ANOS1: variants seen among roughly 807,000 people sequenced by gnomAD.
The protein encoded by ANOS1 is anosmin 1, also known as anosmin-1.
ANOS1 carries 6 observed loss-of-function variants against 59.0 expected under a neutral mutation model. The observed-to-expected ratio is 0.10, with a 90% CI of 0.06 to 0.20. The LOEUF is 0.20. ANOS1 is among the 10% of genes least tolerant of loss of function. The pLI, the probability that ANOS1 is intolerant of heterozygous loss-of-function variation, is 1.00. For synonymous variants in ANOS1, 217 were observed against 223.4 expected (o/e 0.97, Z 0.25); for missense variants, 433 against 542.3 (o/e 0.80, Z 2.00).
chrX:8,581,843 G>A lies in ANOS1; in HGVS notation c.856+3424C>T, dbSNP rs1601963721. On this transcript the variant is annotated intron_variant, in intron 6 of 13. Transcript: ENST00000262648. ...GACATTCTTATATTTACTGTGTTGTGTAACTATCACCATCACTGGGTTCTA... is the reference window on the plus strand; with the variant it reads ...GACATTCTTATATTTACTGTGTTGTATAACTATCACCATCACTGGGTTCTA... Among the ~76,000 whole-genome samples the A allele has an allele frequency of 2.7e-5, 3 of 112,143 alleles. No homozygotes were observed. In the South Asian group the frequency reaches 1.1e-3, roughly 41 times the overall value.
intron 3 of ANOS1, among the ~76,000 whole-genome samples, chrX:8,604,612 A>T (rs1018064090): frequency 3.6e-5 from 4 of 112,169 alleles, no homozygotes; most frequent in African/African-American, 9.7e-5. Context: ...GATACAGAAA[A>T]GCTAAATGCA....
At chrX:8,656,849 G>C (rs984788864) in intron 2 of ANOS1, among the ~76,000 whole-genome samples, 2 of 111,643 alleles carry the variant, frequency 1.8e-5, no homozygotes, top group African/African-American at 6.5e-5. Context: ...ACATGCTGAG[G>C]GAGTCTGTGC....
chrX:8,583,024 A>G (rs1930452214), intron 6 of ANOS1, among the ~76,000 whole-genome samples: 1 of 111,261 alleles, frequency 9.0e-6, no homozygotes, highest in South Asian at 3.8e-4. Context: ...TGAGAGAAAG[A>G]GTGCTTAAGG....
chrX:8,688,325 C>T (rs1345420813), intron 2 of ANOS1, among the ~76,000 whole-genome samples: 3 of 112,072 alleles, frequency 2.7e-5, no homozygotes, highest in Admixed American at 1.9e-4. Flanking sequence ...CAGAATAAAC[C>T]TCAACATCTT....
chrX:8,605,518 C>T lies in ANOS1; in HGVS notation c.319-8262G>A, dbSNP rs367588002. On this transcript the variant is annotated intron_variant, in intron 3 of 13. Transcript: ENST00000262648. ...CTCTCCTAAAAATACAAAAATTAGCCGGGTGTGGTGGCAGCTACTCGGGAG... is the reference window on the plus strand; with the variant it reads ...CTCTCCTAAAAATACAAAAATTAGCTGGGTGTGGTGGCAGCTACTCGGGAG... Among the ~76,000 whole-genome samples, 11 of 108,467 alleles carry T rather than the reference C, an allele frequency of 1.0e-4. No individual in the cohort carries two copies. In the South Asian group the frequency reaches 2.9e-3, roughly 28 times the overall value. The allele number at this position is 108,467 out of a possible 115,157, so 94.2% of individuals were successfully genotyped here.
At chrX:8,730,585 C>A (rs1441547276) in intron 1 of ANOS1, among the ~76,000 whole-genome samples, 3 of 98,875 alleles carry the variant, frequency 3.0e-5, no homozygotes, top group African/African-American at 1.1e-4. Flanking sequence ...GGGGGACCCC[C>A]CCCCCCACCC....
At chrX:8,553,865 T>C in intron 9 of ANOS1, 87 bp downstream of exon 9, 1 of 908,068 alleles carries the variant, frequency 1.1e-6, no homozygotes, top group Admixed American at 2.3e-5. Flanking sequence ...ATTGATACTG[T>C]GGCTTGACAT....
In ANOS1 at chrX:8,597,046, T is replaced by A. The variant is rs1174344680; in HGVS notation, c.529A>T (p.Thr177Ser). The change falls in exon 4 of 14, where the codon ACT becomes TCT. Residue 177 changes from threonine (T) to serine (S), a missense_variant. Physicochemically the swap from Thr to Ser is moderately conservative, Grantham distance 58. Coordinates refer to ENST00000262648, the MANE Select transcript of ANOS1 (RefSeq NM_000216.4). Reference protein sequence around the residue: ...GCGHTCQVPKTLYKGVPLKPR... With the variant: ...GCGHTCQVPKSLYKGVPLKPR... ...TGCTGCCCCTTACCTTTGTACAGAG[T>A]CTTGGGTACTTGACAGGTGTGTCCA... 8.3e-7 allele frequency: 1 copy of A among 1,211,405 alleles called. No individual in the cohort carries two copies. Among genetic ancestry groups the A allele is most frequent in the East Asian group, 3.0e-5 (1 of 33,805 alleles).
intron 3 of ANOS1, among the ~76,000 whole-genome samples, chrX:8,619,070 C>CAAAAAAAAAAAAA (rs1164164251): frequency 1.5e-3 from 68 of 43,976 alleles, no homozygotes; most frequent in East Asian, 2.6e-3. Context: ...AAACCTCTCT[C>CAAAAAAAAAAAAA]AAAAAAAAAA....
chrX:8,601,779 G>C (rs1930847418), intron 3 of ANOS1, among the ~76,000 whole-genome samples: 1 of 112,222 alleles, frequency 8.9e-6, no homozygotes. Context: ...AAGCACTATT[G>C]TGCATAGTTG....
chrX:8,672,127 T>C (rs1451462995), intron 2 of ANOS1, among the ~76,000 whole-genome samples: 1 of 110,522 alleles, frequency 9.0e-6, no homozygotes, highest in Non-Finnish European at 1.9e-5. Context: ...ATCACAGTAG[T>C]AGACTGATGA....
chrX:8,576,217 T>C (rs945125085), intron 6 of ANOS1, among the ~76,000 whole-genome samples: 14 of 111,098 alleles, frequency 1.3e-4, no homozygotes, highest in Non-Finnish European at 2.6e-4. Flanking sequence ...TATCCATTTA[T>C]TCACTATGGG....
chrX:8,668,424 T>TACACACAC (rs1195026481), intron 2 of ANOS1, among the ~76,000 whole-genome samples: 2 of 81,132 alleles, frequency 2.5e-5, no homozygotes, highest in African/African-American at 9.4e-5. Flanking sequence ...TATATATATA[T>TACACACAC]ATATATACAC....
intron 2 of ANOS1, among the ~76,000 whole-genome samples, chrX:8,678,712 C>T (rs933809726): frequency 3.6e-5 from 4 of 111,831 alleles, no homozygotes; most frequent in Non-Finnish European, 7.5e-5. Flanking sequence ...CTAGACCAAC[C>T]TGTGTATGTC....
At chrX:8,541,518 G>C (rs957598892) in intron 9 of ANOS1, among the ~76,000 whole-genome samples, 2 of 101,366 alleles carry the variant, frequency 2.0e-5, no homozygotes, top group African/African-American at 7.2e-5. Flanking sequence ...AAGGCGGCTG[G>C]CGTGTGTTCA....
chrX:8,561,793 G>C (rs971113160), intron 8 of ANOS1, among the ~76,000 whole-genome samples: 5 of 110,577 alleles, frequency 4.5e-5, no homozygotes, highest in Non-Finnish European at 9.4e-5. Flanking sequence ...AATAATCTGT[G>C]ATAATATTGA....
intron 2 of ANOS1, among the ~76,000 whole-genome samples, chrX:8,638,707 T>C (rs918212786): frequency 3.6e-5 from 4 of 111,840 alleles, no homozygotes; most frequent in Non-Finnish European, 7.5e-5. Context: ...CCAGATAGAT[T>C]TGATCTTTTT....
At chrX:8,708,932 C>T (rs1932795172) in intron 1 of ANOS1, among the ~76,000 whole-genome samples, 1 of 111,448 alleles carries the variant, frequency 9.0e-6, no homozygotes, top group Non-Finnish European at 1.9e-5. Context: ...ACTATGCAGC[C>T]ATAAAAAAGG....
At chrX:8,664,028 A>G (rs1175945601) in intron 2 of ANOS1, among the ~76,000 whole-genome samples, 1 of 110,867 alleles carries the variant, frequency 9.0e-6, no homozygotes, top group Non-Finnish European at 1.9e-5. Context: ...GGAGGGGAAC[A>G]CACACTGGGG....
Sources: allele counts gnomAD v4.1 joint callset (sites outside exome capture counted in the v4.1 genomes callset), GRCh38; gene constraint gnomAD v4.1.1; transcripts MANE v1.5; gene names NCBI Gene and HGNC (gene_info 2026-07-23, HGNC 2026-07-21).